Variants in LRP5 observed in about 807,000 individuals in gnomAD.
LRP5 encodes LDL receptor related protein 5.
In LRP5, 62 loss-of-function variants were observed where a neutral mutation model predicts 154.1. The observed-to-expected ratio is 0.40, with a 90% CI of 0.33 to 0.50. The LOEUF (loss-of-function observed/expected upper bound fraction) is 0.50, where lower values mean the gene tolerates loss of function less well. Among genes scored for constraint, LRP5 ranks in the 20% least tolerant of loss-of-function variants. The pLI is 0.55. For synonymous variants in LRP5, 966 were observed against 1,011.5 expected, an observed-to-expected ratio of 0.96 and a Z score of 0.85; for missense variants, 1,915 against 2,336.7, an observed-to-expected ratio of 0.82 and a Z score of 3.72.
Position 68,386,551 on chromosome 11 carries a change from C to T in LRP5, c.1251C>T (p.Asp417=). The stretch of plus-strand genomic sequence containing the variant: ...CGCTGGTCAACACCGAGATCAACGA[C>T]CCCGATGGCATCGCGGTCGACTGGG... ...AQTLVNTEIN[D]PDGIAVDWVA... is the part of the protein sequence containing the mutation. Residue 417 remains aspartate, a synonymous_variant, in exon 6 of 23, where the codon GAC becomes GAT. Coordinates refer to ENST00000294304, the MANE Select transcript of LRP5 (RefSeq NM_002335.4). This position sits in a 1 kb window ranked among gnomAD's most constrained non-coding sequence, Gnocchi z 7.9. 2 of 1,613,960 alleles carry T rather than the reference C, an allele frequency of 1.2e-6. No homozygotes were observed. Among genetic ancestry groups the T allele is most frequent in the Non-Finnish European group, 8.5e-7 (1 of 1,179,990 alleles).
In LRP5 at chr11:68,413,671, C is replaced by T; in HGVS notation, c.2504-18C>T. On this transcript the variant is annotated intron_variant, in intron 11 of 22. Transcript: ENST00000294304. This position sits in a 1 kb window ranked among gnomAD's most constrained non-coding sequence, Gnocchi z 5.1. Reference sequence around the variant, plus strand: ...GGCTGTGCCTTTGCTGACACCGTGCCCGTGTGTGTTCATGCAGGTCAGGAG... The same window carrying T: ...GGCTGTGCCTTTGCTGACACCGTGCTCGTGTGTGTTCATGCAGGTCAGGAG... 1.9e-6 allele frequency: 3 copies of T among 1,612,082 alleles called. No homozygotes were observed. Among genetic ancestry groups the T allele is most frequent in the Non-Finnish European group, 2.5e-6 (3 of 1,178,700 alleles).
intron 3 of LRP5, among the ~76,000 whole-genome samples, chr11:68,360,547 G>A (rs2098626984): frequency 6.6e-6 from 1 of 151,888 alleles, no homozygotes; most frequent in South Asian, 2.1e-4. Context: ...GTTGGGTGAC[G>A]AGCTCTGGAG....
chr11:68,300,730 C>A, the LRP5 span, among the ~76,000 whole-genome samples: 5 of 149,532 alleles, frequency 3.3e-5, no homozygotes, highest in Non-Finnish European at 6.0e-5. Context: ...TCCTCTGTCA[C>A]CGTGCTCCAG....
chr11:68,349,604 C>T (rs774818435), intron 2 of LRP5, among the ~76,000 whole-genome samples: 15 of 152,156 alleles, frequency 9.9e-5, no homozygotes, highest in Non-Finnish European at 2.1e-4. Context: ...CCTAGTCTGG[C>T]TGAGTTCACC....
intron 1 of LRP5, among the ~76,000 whole-genome samples, chr11:68,320,340 T>C (rs1591170258): frequency 6.6e-6 from 1 of 152,360 alleles, no homozygotes; most frequent in Middle Eastern, 3.4e-3. Flanking sequence ...TTATAACACC[T>C]TTTGATTTGC....
chr11:68,316,196 G>A (rs566090755), intron 1 of LRP5, among the ~76,000 whole-genome samples: 5 of 152,176 alleles, frequency 3.3e-5, no homozygotes, highest in South Asian at 2.1e-4. Context: ...CTTACAATGC[G>A]TCTTCGTGGC....
chr11:68,439,935 G>C lies in LRP5; in HGVS notation c.4488+19G>C. The C allele has an allele frequency of 6.7e-7, 1 of 1,485,000 alleles. No individual in the cohort carries two copies. Among genetic ancestry groups the C allele is most frequent in the Non-Finnish European group, 9.1e-7 (1 of 1,104,550 alleles). The allele number at this position is 1,485,000 out of a possible 1,614,324, so 92.0% of individuals were successfully genotyped here. The stretch of plus-strand genomic sequence containing the variant: ...CCCGCCGGTGAGGGGCGGGGCCGGG[G>C]AGGGGCGGGGCGGGATGGGGCTGTG... On this transcript the variant is annotated intron_variant, in intron 21 of 22. Coordinates refer to ENST00000294304, the MANE Select transcript of LRP5 (RefSeq NM_002335.4).
Position 68,399,896 on chromosome 11 carries a change from T to A in LRP5, c.1585-3587T>A, listed in dbSNP as rs181474169. Among the ~76,000 whole-genome samples the A allele has an allele frequency of 3.2e-4, 49 of 152,320 alleles. 1 individual carries two copies. The highest frequency in any genetic ancestry group is 1.6e-4 in the Non-Finnish European group (11 of 68,024). On this transcript the variant is annotated intron_variant, in intron 7 of 22. Transcript: ENST00000294304. ...CAGTATTAGAGCAACTGAGAGCTGC[T>A]CATTGCAAGCCTGATGTTTTCCCAG...
At chr11:68,439,464 C>T (rs546801480) in intron 20 of LRP5, among the ~76,000 whole-genome samples, 1 of 152,338 alleles carries the variant, frequency 6.6e-6, no homozygotes, top group South Asian at 2.1e-4. Context: ...ACAGTCGCAG[C>T]AGCCCCCAGA....
the LRP5 span, among the ~76,000 whole-genome samples, chr11:68,304,917 G>C: frequency 6.6e-6 from 1 of 152,180 alleles, no homozygotes; most frequent in Non-Finnish European, 1.5e-5. Context: ...CAGTCTTGTA[G>C]GTGAAAGGAA....
At chr11:68,341,269 G>A (rs1405561043) in intron 1 of LRP5, among the ~76,000 whole-genome samples, 2 of 151,838 alleles carry the variant, frequency 1.3e-5, no homozygotes, top group Non-Finnish European at 2.9e-5. Flanking sequence ...GTTGACATTC[G>A]GTTTTTCATG....
At position 68,363,799 on chromosome 11, in the gene LRP5, G is replaced by A. The variant is rs773226526; in HGVS notation, c.739G>A (p.Gly247Arg). The A allele has an allele frequency of 9.3e-6, 15 of 1,612,936 alleles. No individual in the cohort carries two copies. Among genetic ancestry groups the A allele is most frequent in the African/African-American group, 1.3e-5 (1 of 74,796 alleles). The part of the protein sequence containing the change: ...LTHPFALTLS[G>R]DTLYWTDWQT... ...GCACCCCTTCGCCCTGACGCTCTCCGGGGACACTCTGTACTGGACAGACTG... is the reference window on the plus strand; with the variant it reads ...GCACCCCTTCGCCCTGACGCTCTCCAGGGACACTCTGTACTGGACAGACTG... The change falls in exon 4 of 23, where the codon GGG (glycine) becomes AGG (arginine). Residue 247 changes from glycine to arginine, a missense_variant. Gly to Arg is a moderately radical substitution (Grantham distance 125). Around this residue, in one of 3 missense-constraint regions of LRP5, gnomAD observed 773 missense variants for 1,100.9 expected, o/e 0.70. Coordinates refer to ENST00000294304, the MANE Select transcript of LRP5 (RefSeq NM_002335.4).
chr11:68,410,240 G>C (rs576118), intron 10 of LRP5, 100 bp downstream of exon 10: 1 of 934,304 alleles, frequency 1.1e-6, no homozygotes, highest in East Asian at 2.6e-5. Context: ...TGTGGCCCTC[G>C]GTGATTAGAG....
At chr11:68,391,316 A>G (rs112346551) in intron 7 of LRP5, among the ~76,000 whole-genome samples, 1 of 152,112 alleles carries the variant, frequency 6.6e-6, no homozygotes, top group East Asian at 1.9e-4. Context: ...GATATGTTAC[A>G]TGTGTCCCCA....
intron 16 of LRP5, among the ~76,000 whole-genome samples, chr11:68,427,969 T>C (rs2098669744): frequency 2.1e-5 from 1 of 48,766 alleles, no homozygotes; most frequent in South Asian, 1.3e-3. Flanking sequence ...TATTTTATTT[T>C]ATTTTTTTTA....
intron 5 of LRP5, among the ~76,000 whole-genome samples, chr11:68,374,917 C>T (rs188504602): frequency 2.6e-5 from 4 of 152,302 alleles, no homozygotes; most frequent in East Asian, 3.9e-4. Flanking sequence ...ATGCTGTGGG[C>T]GCCTTTCCAC....
At chr11:68,411,365 C>A in intron 10 of LRP5, 71 bp from the exon 11 acceptor site, 3 of 1,527,904 alleles carry the variant, frequency 2.0e-6, no homozygotes, top group Non-Finnish European at 2.7e-6. Flanking sequence ...ACAGTTGCGT[C>A]CCCCCGCCAC....
the LRP5 span, among the ~76,000 whole-genome samples, chr11:68,302,092 C>T: frequency 1.3e-5 from 2 of 151,478 alleles, no homozygotes; most frequent in Admixed American, 6.6e-5. Flanking sequence ...CACAGTGGCT[C>T]ACGCCTGTAA....
chr11:68,354,827 T>G (rs312788), intron 2 of LRP5, among the ~76,000 whole-genome samples: 71,125 of 152,014 alleles, frequency 0.47, 18,686 homozygotes, highest in African/African-American at 0.69. Flanking sequence ...CACCTTCCCT[T>G]TGTTGGTTGG....
Sources: gnomAD v4.1 joint callset for allele counts (sites outside exome capture counted in the v4.1 genomes callset) on GRCh38, gnomAD v4.1.1 for gene constraint, gnomAD v4.1.1 regional missense constraint, Gnocchi (gnomAD v3.1) non-coding constraint, MANE v1.5 for transcripts, NCBI Gene and HGNC (gene_info 2026-07-23, HGNC 2026-07-21) for gene names.